ABCA7: variants seen among roughly 807,000 people sequenced by gnomAD.
ABCA7 encodes ATP binding cassette subfamily A member 7.
In ABCA7, 261 loss-of-function variants were observed where a neutral mutation model predicts 227.6. The observed-to-expected ratio is 1.15, with a 90% CI of 1.04 to 1.27. The LOEUF (loss-of-function observed/expected upper bound fraction) is 1.27. Ranked by LOEUF, ABCA7 falls within the 50% of genes most tolerant of loss-of-function variation. The pLI, the probability that ABCA7 is intolerant of heterozygous loss-of-function variation, is 0.00. For synonymous variants in ABCA7, 1,488 were observed against 1,279.7 expected, an observed-to-expected ratio of 1.16 and a Z score of -3.47; for missense variants, 3,331 against 2,924.5, an observed-to-expected ratio of 1.14 and a Z score of -3.21.
chr19:1,051,490 G>A lies in ABCA7; in HGVS notation c.2866G>A (p.Gly956Ser), dbSNP rs767500168. 6.8e-6 allele frequency: 11 copies of A among 1,609,370 alleles called. No individual in the cohort carries two copies. The South Asian group carries it at 1.2e-4, about 18-fold the overall frequency. The change falls in exon 21 of 47, where the codon GGC becomes AGC. Residue 956 changes from glycine (G) to serine (S), a missense_variant. Coordinates refer to ENST00000263094, the MANE Select transcript of ABCA7 (RefSeq NM_019112.4). ...GCTGTCCGTGGCCATTGCCTTTGTG[G>A]GCGGCTCCCAAGTTGTTATCCTGGA... ...RKLSVAIAFV[G>S]GSQVVILDEP...
Position 1,044,637 on chromosome 19 carries a change from A to G in ABCA7, c.1108A>G (p.Met370Val), listed in dbSNP as rs577493277. The change falls in exon 11 of 47, where the codon ATG becomes GTG. Residue 370 changes from methionine to valine, a missense_variant. Transcript: ENST00000263094. ...GCCCAGACCTGGAGGCCGGGACCAC[A>G]TGGAGGCCCTGCGATCCTTTCTGGA... ...RQPRPGGRDH[M>V]EALRSFLDPG... 1.2e-6 allele frequency: 2 copies of G among 1,613,242 alleles called. No individual in the cohort carries two copies. The highest frequency in any genetic ancestry group is 4.5e-5 in the East Asian group (2 of 44,864).
Position 1,047,483 on chromosome 19 carries a change from G to T in ABCA7, c.2098G>T (p.Gly700Cys), listed in dbSNP as rs1413608200. 1 of 1,567,298 alleles carries T rather than the reference G, an allele frequency of 6.4e-7. No homozygotes were observed. The highest frequency in any genetic ancestry group is 1.8e-5 in the Admixed American group (1 of 55,522). ...SLLSPVAFGF[G>C]CESLALLEEQ... ...GCTGTCGCCCGTGGCCTTCGGCTTC[G>T]GCTGCGAGAGCCTGGCTCTGCTGGA... The change falls in exon 16 of 47, where the codon GGC becomes TGC. Residue 700 changes from glycine to cysteine, a missense_variant. Coordinates refer to ENST00000263094, the MANE Select transcript of ABCA7 (RefSeq NM_019112.4).
chr19:1,057,103 C>G lies in ABCA7; in HGVS notation c.4764+19C>G. 6.2e-7 allele frequency: 1 copy of G among 1,603,414 alleles called. No individual in the cohort carries two copies. Among genetic ancestry groups the G allele is most frequent in the South Asian group, 1.1e-5 (1 of 90,202 alleles). On this transcript the variant is annotated intron_variant, in intron 34 of 46. Coordinates refer to ENST00000263094, the MANE Select transcript of ABCA7 (RefSeq NM_019112.4). The stretch of plus-strand genomic sequence containing the variant: ...GGACATGGTGCGGGGGCTGCTTGGA[C>G]GGGTGGGGGCCCAGCCACTGCTTGC...
At position 1,046,284 on chromosome 19, in the gene ABCA7, G is replaced by A. The variant is rs1230932754; in HGVS notation, c.1500G>A (p.Trp500Ter). The stretch of plus-strand genomic sequence containing the variant: ...CCCTGACCGACCTGCGCTACGTGTG[G>A]GGCGGCTTCGTGTACCTGCAAGACC... ...ADPLTDLRYVWGGFVYLQDLV... is the reference protein window; with the variant it reads ...ADPLTDLRYV The change falls in exon 13 of 47, where the codon TGG (tryptophan) becomes TGA (stop). Residue 500 changes from tryptophan (W) to a stop codon, truncating the protein, a stop_gained. Transcript: ENST00000263094. LOFTEE classifies it high-confidence loss of function. 6 of 1,606,390 alleles carry A rather than the reference G, an allele frequency of 3.7e-6. No homozygotes were observed. The East Asian group carries it at 1.3e-4, about 36-fold the overall frequency.
intron 17 of ABCA7, 64 bp from the exon 18 acceptor site, chr19:1,049,202 T>G (rs911565670): frequency 2.1e-5 from 32 of 1,522,776 alleles, no homozygotes; most frequent in Non-Finnish European, 2.8e-5. Context: ...AGCCCAGCTC[T>G]GAGGGACTTG....
At chr19:1,045,444 C>T in intron 12 of ABCA7, 2 of 593,018 alleles carry the variant, frequency 3.4e-6, no homozygotes, top group Non-Finnish European at 6.0e-6. Flanking sequence ...GGCCATGGGC[C>T]TGAGATAAGA....
intron 40 of ABCA7, among the ~76,000 whole-genome samples, chr19:1,060,121 T>C (rs1440449246): frequency 6.6e-6 from 1 of 152,152 alleles, no homozygotes; most frequent in Non-Finnish European, 1.5e-5. Flanking sequence ...GTATTTGCTG[T>C]GTGCCACTTA....
chr19:1,051,900 C>T (rs201848751), intron 21 of ABCA7, 42 bp from the exon 22 acceptor site: 37 of 1,596,260 alleles, frequency 2.3e-5, no homozygotes, highest in Admixed American at 6.7e-5. Flanking sequence ...GGCAAAGACG[C>T]GGCGGCCTGA....
rs2041554032 is a variant in ABCA7, at chr19:1,050,912, T to C, written c.2553-9T>C. ...GAAGGGGGCTACTCTGAGACCCCTC[T>C]ATCCACAGGTCCATCTTGAGTGGCC... On this transcript the variant is annotated splice_polypyrimidine_tract_variant and intron_variant, in intron 18 of 46. Transcript: ENST00000263094. The C allele has an allele frequency of 6.3e-7, 1 of 1,588,258 alleles. No individual in the cohort carries two copies. Among genetic ancestry groups the C allele is most frequent in the Non-Finnish European group, 8.6e-7 (1 of 1,164,472 alleles).
In ABCA7 at chr19:1,041,231, C is replaced by T; in HGVS notation, c.-131C>T. 1 of 955,018 alleles carries T rather than the reference C, an allele frequency of 1.0e-6. No homozygotes were observed. The highest frequency in any genetic ancestry group is 1.3e-5 in the South Asian group (1 of 75,508). 59.2% of individuals were successfully genotyped at this position (955,018 alleles called of 1,614,324 possible). A position where few individuals can be genotyped will look rare whatever the true frequency, so the allele number is the denominator to read the frequency against. Reference sequence around the variant, plus strand: ...TTTGCCTCGCTCTAATCAGAGCTTCCAGGAACCCTGCGCTGTGGGATAAAG... The same window carrying T: ...TTTGCCTCGCTCTAATCAGAGCTTCTAGGAACCCTGCGCTGTGGGATAAAG... On this transcript the variant is annotated 5_prime_UTR_variant, in exon 2 of 47. Coordinates refer to ENST00000263094, the MANE Select transcript of ABCA7 (RefSeq NM_019112.4).
chr19:1,040,701 C>T (rs1386674242), intron 1 of ABCA7, among the ~76,000 whole-genome samples: 1 of 152,150 alleles, frequency 6.6e-6, no homozygotes, highest in East Asian at 1.9e-4. Flanking sequence ...CTTTCTCTGG[C>T]TCCCGCGGTC....
Position 1,043,488 on chromosome 19 carries a change from G to C in ABCA7, c.930+15G>C. On this transcript the variant is annotated intron_variant, in intron 9 of 46. Coordinates refer to ENST00000263094, the MANE Select transcript of ABCA7 (RefSeq NM_019112.4). ...TCATGGCCCAGGTGGGGGCAGCCTGGATGCTGGGGTGGGAGGGTGGTGGCC... is the reference window on the plus strand; with the variant it reads ...TCATGGCCCAGGTGGGGGCAGCCTGCATGCTGGGGTGGGAGGGTGGTGGCC... The C allele has an allele frequency of 6.2e-7, 1 of 1,612,806 alleles. No homozygotes were observed. The highest frequency in any genetic ancestry group is 8.5e-7 in the Non-Finnish European group (1 of 1,179,742).
rs1309578571 is a variant in ABCA7, at chr19:1,041,948, G to C, written c.278G>C (p.Arg93Pro). 1.9e-6 allele frequency: 3 copies of C among 1,588,888 alleles called. No homozygotes were observed. Among genetic ancestry groups the C allele is most frequent in the African/African-American group, 2.7e-5 (2 of 73,952 alleles). Residue 93 changes from arginine to proline, a missense_variant, in exon 4 of 47, where the codon CGC becomes CCC. Transcript: ENST00000263094. ...CTGACACCGGGCGAGGAGCCCGGGC[G>C]CCTGAGCAACTTCAACGACTCCCTG... is the stretch of plus-strand genomic sequence containing the variant. ...PQLTPGEEPGRLSNFNDSLVS... is the reference protein window; with the variant it reads ...PQLTPGEEPGPLSNFNDSLVS...
Position 1,056,772 on chromosome 19 carries a change from C to A in ABCA7, c.4587-135C>A. ...GCTGCCAAATCCCAGGCACCCTCATCCCTAAATTGCCCCTGCCATCTCTGC... is the reference window on the plus strand; with the variant it reads ...GCTGCCAAATCCCAGGCACCCTCATACCTAAATTGCCCCTGCCATCTCTGC... On this transcript the variant is annotated intron_variant, in intron 33 of 46. Coordinates refer to ENST00000263094, the MANE Select transcript of ABCA7 (RefSeq NM_019112.4). This position sits in a 1 kb window ranked among gnomAD's most constrained non-coding sequence, Gnocchi z 4.3. The A allele has an allele frequency of 9.5e-7, 1 of 1,047,206 alleles. No homozygotes were observed. The highest frequency in any genetic ancestry group is 1.4e-6 in the Non-Finnish European group (1 of 702,378). The allele number at this position is 1,047,206 out of a possible 1,614,324, so 64.9% of individuals were successfully genotyped here.
In ABCA7 at chr19:1,056,774, C is replaced by T. The variant is rs1368776762; in HGVS notation, c.4587-133C>T. 2 of 1,082,210 alleles carry T rather than the reference C, an allele frequency of 1.8e-6. No individual in the cohort carries two copies. The highest frequency in any genetic ancestry group is 1.4e-6 in the Non-Finnish European group (1 of 734,034). The allele number at this position is 1,082,210 out of a possible 1,614,324, so 67.0% of individuals were successfully genotyped here. On this transcript the variant is annotated intron_variant, in intron 33 of 46. Coordinates refer to ENST00000263094, the MANE Select transcript of ABCA7 (RefSeq NM_019112.4). This position sits in a 1 kb window ranked among gnomAD's most constrained non-coding sequence, Gnocchi z 4.3. The stretch of plus-strand genomic sequence containing the variant: ...TGCCAAATCCCAGGCACCCTCATCC[C>T]TAAATTGCCCCTGCCATCTCTGCCA...
chr19:1,060,469 C>T (rs1021854713), intron 40 of ABCA7, among the ~76,000 whole-genome samples: 1 of 151,706 alleles, frequency 6.6e-6, no homozygotes, highest in Non-Finnish European at 1.5e-5. Flanking sequence ...CCTTGGCCTC[C>T]GAAAGTTCTG....
Position 1,041,903 on chromosome 19 carries a change from A to G in ABCA7, c.233A>G (p.Asn78Ser), listed in dbSNP as rs746893001. The G allele has an allele frequency of 6.2e-6, 10 of 1,602,050 alleles. No individual in the cohort carries two copies. The South Asian group carries it at 1.1e-4, about 18-fold the overall frequency. Reference sequence around the variant, plus strand: ...CTCCAGGGTCTCATCTGTAATGTGAACAACACCTGCTTTCCGCAGCTGACA... The same window carrying G: ...CTCCAGGGTCTCATCTGTAATGTGAGCAACACCTGCTTTCCGCAGCTGACA... Reference protein sequence around the residue: ...PWLQGLICNVNNTCFPQLTPG... With the variant: ...PWLQGLICNVSNTCFPQLTPG... The change falls in exon 4 of 47, where the codon AAC becomes AGC. Residue 78 changes from asparagine to serine, a missense_variant. By Grantham distance (46) the Asn-to-Ser change is conservative. Coordinates refer to ENST00000263094, the MANE Select transcript of ABCA7 (RefSeq NM_019112.4).
Position 1,063,822 on chromosome 19 carries a change from C to G in ABCA7, c.5910C>G (p.Ala1970=), listed in dbSNP as rs1045331155. Residue 1970 remains alanine (A), a synonymous_variant, in exon 44 of 47, where the codon GCC becomes GCG. Transcript: ENST00000263094. ...ARRFLWNSLL[A]VVREGRSVML... is the part of the protein sequence containing the mutation. ...GCTTCCTTTGGAACAGCCTTTTGGC[C>G]GTGGTGCGGGAGGGCCGTTCAGTGA... 2.6e-6 allele frequency: 4 copies of G among 1,544,122 alleles called. No homozygotes were observed. The South Asian group carries it at 3.6e-5, about 14-fold the overall frequency.
chr19:1,056,499 T>C lies in ABCA7; in HGVS notation c.4586T>C (p.Leu1529Pro). 2 of 1,610,942 alleles carry C rather than the reference T, an allele frequency of 1.2e-6. No individual in the cohort carries two copies. The highest frequency in any genetic ancestry group is 1.7e-6 in the Non-Finnish European group (2 of 1,178,814). Residue 1529 changes from leucine to proline, a missense_variant and splice_region_variant, in exon 33 of 47, where the codon CTG becomes CCG. Transcript: ENST00000263094. This position sits in a 1 kb window ranked among gnomAD's most constrained non-coding sequence, Gnocchi z 4.3. ...LTKEQLSEGA[L>P]MASSVDVLVS... ...AAGGAGCAGCTGTCTGAGGGTGCAC[T>C]GTGAGTCCCTCCACCCTGCATGTCC...
Sources: gnomAD v4.1 joint callset for allele counts (sites outside exome capture counted in the v4.1 genomes callset) on GRCh38, gnomAD v4.1.1 for gene constraint, Gnocchi (gnomAD v3.1) non-coding constraint, MANE v1.5 for transcripts, NCBI Gene and HGNC (gene_info 2026-07-23, HGNC 2026-07-21) for gene names.